Variants in NKAIN2 observed in about 807,000 individuals in gnomAD.
NKAIN2 encodes the protein sodium/potassium transporting ATPase interacting 2.
A neutral mutation model predicts 32.6 loss-of-function variants in NKAIN2; 14 were observed. The ratio of observed to expected loss-of-function variants is 0.43; its 90% CI spans 0.28 to 0.67. The LOEUF (loss-of-function observed/expected upper bound fraction) is 0.67. NKAIN2 is among the 30% of genes least tolerant of loss of function. NKAIN2 has a pLI of 0.17. For synonymous variants in NKAIN2, 80 were observed against 87.2 expected (o/e 0.92, Z 0.46); for missense variants, 198 against 258.3 (o/e 0.77, Z 1.60).
intron 4 of NKAIN2, among the ~76,000 whole-genome samples, chr6:124,682,775 C>A (rs931624065): frequency 9.2e-5 from 14 of 152,104 alleles, no homozygotes; most frequent in Non-Finnish European, 2.1e-4. Flanking sequence ...GAATTATAAA[C>A]TCTATAAAAC....
At chr6:124,801,824 A>G (rs1320860156) in intron 5 of NKAIN2, among the ~76,000 whole-genome samples, 1 of 152,210 alleles carries the variant, frequency 6.6e-6, no homozygotes, top group Non-Finnish European at 1.5e-5. Flanking sequence ...AACCTAAGGG[A>G]TAAATTAGAG....
chr6:123,894,702 A>C (rs1358713794), intron 1 of NKAIN2, among the ~76,000 whole-genome samples: 1 of 152,126 alleles, frequency 6.6e-6, no homozygotes, highest in Non-Finnish European at 1.5e-5. Context: ...TTAGTCATTT[A>C]TATCCCAGGA....
At chr6:124,254,207 C>G (rs964301791) in intron 1 of NKAIN2, among the ~76,000 whole-genome samples, 2 of 152,190 alleles carry the variant, frequency 1.3e-5, no homozygotes, top group Non-Finnish European at 2.9e-5. Context: ...CTGCCTCGGC[C>G]TCCCAAAGTG....
At chr6:124,056,821 T>A (rs542289238) in intron 1 of NKAIN2, among the ~76,000 whole-genome samples, 1 of 152,152 alleles carries the variant, frequency 6.6e-6, no homozygotes, top group South Asian at 2.1e-4. Context: ...CTACTCTTCA[T>A]GGAGCCAGCT....
intron 1 of NKAIN2, among the ~76,000 whole-genome samples, chr6:124,214,241 T>A (rs1221084796): frequency 2.0e-5 from 3 of 152,222 alleles, no homozygotes; most frequent in Non-Finnish European, 4.4e-5. Context: ...TCATTAACAT[T>A]CTCTACCACA....
chr6:123,963,465 G>A (rs1777942516), intron 1 of NKAIN2, among the ~76,000 whole-genome samples: 1 of 152,180 alleles, frequency 6.6e-6, no homozygotes, highest in South Asian at 2.1e-4. Context: ...GTGTAGTAGT[G>A]TGGATCCTGT....
chr6:124,476,641 T>C (rs1387720236), intron 3 of NKAIN2, among the ~76,000 whole-genome samples: 1 of 152,098 alleles, frequency 6.6e-6, no homozygotes, highest in Non-Finnish European at 1.5e-5. Flanking sequence ...GCTAAATGTA[T>C]TGTCATAACA....
At chr6:124,433,004 C>G in intron 3 of NKAIN2, among the ~76,000 whole-genome samples, 1 of 151,998 alleles carries the variant, frequency 6.6e-6, no homozygotes, top group East Asian at 1.9e-4. Flanking sequence ...CTTTGTATCC[C>G]TAGTTGGGAA....
At chr6:124,781,693 C>A (rs1779272476) in intron 4 of NKAIN2, among the ~76,000 whole-genome samples, 1 of 151,974 alleles carries the variant, frequency 6.6e-6, no homozygotes. Flanking sequence ...AGAAAGAAGA[C>A]AATCTAAGAT....
chr6:124,563,108 G>C (rs1024743108), intron 3 of NKAIN2, among the ~76,000 whole-genome samples: 4 of 151,874 alleles, frequency 2.6e-5, no homozygotes, highest in African/African-American at 9.7e-5. Flanking sequence ...GTTTCACTGT[G>C]TTGGCCAGGC....
At chr6:124,511,097 A>C (rs976949854) in intron 3 of NKAIN2, among the ~76,000 whole-genome samples, 3 of 152,186 alleles carry the variant, frequency 2.0e-5, no homozygotes, top group African/African-American at 7.2e-5. Context: ...CAGCAGTAAT[A>C]TGATTGAAAA....
intron 2 of NKAIN2, among the ~76,000 whole-genome samples, chr6:124,347,196 A>C (rs942193847): frequency 2.0e-5 from 3 of 152,230 alleles, no homozygotes; most frequent in African/African-American, 4.8e-5. Flanking sequence ...GTTTCTGCTG[A>C]GAGATCAGCT....
intron 3 of NKAIN2, among the ~76,000 whole-genome samples, chr6:124,576,087 A>T (rs1781322798): frequency 6.6e-6 from 1 of 152,186 alleles, no homozygotes; most frequent in Non-Finnish European, 1.5e-5. Flanking sequence ...AAATAACCTT[A>T]ATCAAGCATT....
At chr6:124,197,750 C>A (rs2114612978) in intron 1 of NKAIN2, among the ~76,000 whole-genome samples, 1 of 151,592 alleles carries the variant, frequency 6.6e-6, no homozygotes, top group South Asian at 2.1e-4. Context: ...CCTTGGTAAT[C>A]AATCTCCTCT....
intron 1 of NKAIN2, among the ~76,000 whole-genome samples, chr6:124,068,432 C>A (rs1167191472): frequency 6.6e-6 from 1 of 151,890 alleles, no homozygotes; most frequent in African/African-American, 2.4e-5. Context: ...ACTCTGTCAC[C>A]CAGGCTGAAG....
intron 1 of NKAIN2, among the ~76,000 whole-genome samples, chr6:123,954,265 C>T (rs1375579790): frequency 2.0e-5 from 3 of 152,204 alleles, no homozygotes. Context: ...GTGTGGGATA[C>T]AGCGTGAGCT....
intron 1 of NKAIN2, among the ~76,000 whole-genome samples, chr6:123,852,605 C>T (rs1428178926): frequency 6.6e-6 from 1 of 152,166 alleles, no homozygotes; most frequent in Non-Finnish European, 1.5e-5. Context: ...GTGGAATTAA[C>T]CTAAGTGCCC....
intron 1 of NKAIN2, among the ~76,000 whole-genome samples, chr6:124,180,426 G>A (rs770984047): frequency 6.6e-6 from 1 of 152,016 alleles, no homozygotes; most frequent in Non-Finnish European, 1.5e-5. Flanking sequence ...AGAACAGCAT[G>A]GGAAAAAACC....
intron 1 of NKAIN2, among the ~76,000 whole-genome samples, chr6:123,948,567 T>C (rs1777176190): frequency 6.7e-6 from 1 of 149,722 alleles, no homozygotes. Flanking sequence ...GAGAAATCTC[T>C]ATACAAATCG....
Sources: gnomAD v4.1 joint callset for allele counts (sites outside exome capture counted in the v4.1 genomes callset) on GRCh38, gnomAD v4.1.1 for gene constraint, MANE v1.5 for transcripts, NCBI Gene and HGNC (gene_info 2026-07-23, HGNC 2026-07-21) for gene names.